SYN3: variants seen among roughly 807,000 people sequenced by gnomAD.
The protein encoded by SYN3 is synapsin-3.
Under a neutral mutation model 65.8 loss-of-function variants are expected in SYN3, and 35 were observed. The ratio of observed to expected loss-of-function variants is 0.53; its 90% CI spans 0.41 to 0.70. The LOEUF is 0.70. Among genes scored for constraint, SYN3 ranks in the 30% least tolerant of loss-of-function variants. The pLI is 0.00. For missense variants in SYN3, 680 were observed against 749.0 expected (o/e 0.91, Z 1.08); for synonymous variants, 270 against 292.9 (o/e 0.92, Z 0.80).
chr22:32,884,527 A>C (rs1474222614), intron 4 of SYN3, among the ~76,000 whole-genome samples: 1 of 152,226 alleles, frequency 6.6e-6, no homozygotes, highest in East Asian at 1.9e-4. Flanking sequence ...ATGACCTTGG[A>C]TTTCAAAGTC....
At chr22:32,616,741 T>C (rs1035346593) in intron 6 of SYN3, among the ~76,000 whole-genome samples, 12 of 152,192 alleles carry the variant, frequency 7.9e-5, no homozygotes, top group African/African-American at 2.9e-4. Context: ...AATATCAACA[T>C]TCAGGAGAAT....
intron 6 of SYN3, among the ~76,000 whole-genome samples, chr22:32,822,185 CTCTG>C (rs1481348862): frequency 6.7e-5 from 10 of 150,266 alleles, no homozygotes; most frequent in Non-Finnish European, 1.5e-4. Flanking sequence ...GAAGTTGGAG[CTCTG>C]TCTGTCTGTC....
At chr22:32,707,649 A>G (rs1473760033) in intron 6 of SYN3, among the ~76,000 whole-genome samples, 1 of 151,624 alleles carries the variant, frequency 6.6e-6, no homozygotes, top group Non-Finnish European at 1.5e-5. Flanking sequence ...CAAATGAGAT[A>G]ATAAGTGGGA....
chr22:32,567,358 T>TTTCC (rs3070481), intron 7 of SYN3, among the ~76,000 whole-genome samples: 36,397 of 107,806 alleles, frequency 0.34, 5,615 homozygotes, highest in East Asian at 0.53. Flanking sequence ...CCCTCCCTTC[T>TTTCC]TTCCTTCCTT....
chr22:32,881,237 G>C (rs567282137), intron 4 of SYN3, among the ~76,000 whole-genome samples: 2 of 152,154 alleles, frequency 1.3e-5, no homozygotes, highest in Non-Finnish European at 2.9e-5. Context: ...AGAGAGGAGT[G>C]GGGGAAGGGG....
chr22:32,726,188 G>A (rs1231131485), intron 6 of SYN3, among the ~76,000 whole-genome samples: 1 of 152,024 alleles, frequency 6.6e-6, no homozygotes, highest in Non-Finnish European at 1.5e-5. Context: ...CTGTCACCAG[G>A]CTGGAGTGCA....
chr22:32,965,543 CGTGT>C (rs10602672), intron 3 of SYN3, among the ~76,000 whole-genome samples: 68,663 of 147,164 alleles, frequency 0.47, 16,077 homozygotes, highest in East Asian at 0.64. Context: ...ATGGTGCGTA[CGTGT>C]GTGTGTGTGT....
At chr22:32,746,783 T>C (rs146027019) in intron 6 of SYN3, among the ~76,000 whole-genome samples, 1 of 152,322 alleles carries the variant, frequency 6.6e-6, no homozygotes, top group African/African-American at 2.4e-5. Flanking sequence ...GGCCTGGCAT[T>C]TGCAGGTGGT....
chr22:32,538,071 G>A lies in SYN3; in HGVS notation c.957C>T (p.Gly319=). The A allele has an allele frequency of 6.2e-7, 1 of 1,614,198 alleles. No homozygotes were observed. The highest frequency in any genetic ancestry group is 8.5e-7 in the Non-Finnish European group (1 of 1,180,028). Residue 319 remains glycine, a synonymous_variant, in exon 9 of 14, where the codon GGC becomes GGT. Transcript: ENST00000358763. ...TGGCCACCTGCTCCAGCATGGCAGAGCCTGTGTTGGCCTTCCAGTTCCCAG... is the reference window on the plus strand; with the variant it reads ...TGGCCACCTGCTCCAGCATGGCAGAACCTGTGTTGGCCTTCCAGTTCCCAG... ...SISGNWKANT[G]SAMLEQVAMT...
At chr22:32,567,880 G>T (rs1352273329) in intron 7 of SYN3, among the ~76,000 whole-genome samples, 1 of 152,112 alleles carries the variant, frequency 6.6e-6, no homozygotes, top group Non-Finnish European at 1.5e-5. Flanking sequence ...GCGGGTATAG[G>T]TTCCCTGCCT....
intron 2 of SYN3, among the ~76,000 whole-genome samples, chr22:32,983,662 G>T (rs2052436474): frequency 6.6e-6 from 1 of 152,062 alleles, no homozygotes; most frequent in Admixed American, 6.6e-5. Context: ...TACCCATGTG[G>T]ACAGCCTCAT....
intron 3 of SYN3, among the ~76,000 whole-genome samples, chr22:32,954,197 A>C (rs2051375641): frequency 6.6e-6 from 1 of 152,190 alleles, no homozygotes; most frequent in Non-Finnish European, 1.5e-5. Context: ...CCTTTGCCCT[A>C]TGCCAGGGGA....
chr22:32,590,251 T>G (rs1207688188), intron 7 of SYN3, among the ~76,000 whole-genome samples: 1 of 152,252 alleles, frequency 6.6e-6, no homozygotes, highest in Non-Finnish European at 1.5e-5. Flanking sequence ...GTTAATGCTA[T>G]AGTTAAGTTT....
At chr22:32,700,576 T>C (rs2060798190) in intron 6 of SYN3, among the ~76,000 whole-genome samples, 1 of 152,152 alleles carries the variant, frequency 6.6e-6, no homozygotes, top group African/African-American at 2.4e-5. Context: ...ACAGCTATTG[T>C]CCCTTTCATA....
chr22:32,931,130 G>T, intron 4 of SYN3: 1 of 386,404 alleles, frequency 2.6e-6, no homozygotes. Flanking sequence ...ATATGCCAGA[G>T]CAGAGCCTCA....
intron 6 of SYN3, among the ~76,000 whole-genome samples, chr22:32,738,409 A>T (rs567661551): frequency 2.8e-4 from 42 of 152,258 alleles, no homozygotes; most frequent in Non-Finnish European, 1.5e-5. Context: ...AAGAGGAAAA[A>T]GAAATTGACA....
intron 1 of SYN3, among the ~76,000 whole-genome samples, chr22:33,045,728 C>T (rs2054052226): frequency 6.6e-6 from 1 of 151,990 alleles, no homozygotes; most frequent in Non-Finnish European, 1.5e-5. Context: ...TCCCAAAGTG[C>T]TGGGCCTACT....
At chr22:32,533,248 C>T (rs1004369463) in intron 10 of SYN3, among the ~76,000 whole-genome samples, 1 of 152,006 alleles carries the variant, frequency 6.6e-6, no homozygotes, top group Admixed American at 6.6e-5. Context: ...CTGTACCATT[C>T]CATCCCCCTT....
At chr22:32,980,835 C>A in intron 2 of SYN3, 133 bp from the exon 3 acceptor site, 1 of 715,770 alleles carries the variant, frequency 1.4e-6, no homozygotes, top group South Asian at 1.7e-5. Context: ...CTCCCACCTT[C>A]ACTACTGATT....
Sources: gnomAD v4.1 joint callset for allele counts (sites outside exome capture counted in the v4.1 genomes callset) on GRCh38, gnomAD v4.1.1 for gene constraint, MANE v1.5 for transcripts, NCBI Gene and HGNC (gene_info 2026-07-23, HGNC 2026-07-21) for gene names.